Variants in RNF216 observed in about 807,000 individuals in gnomAD.
RNF216 encodes the protein ring finger protein 216.
A neutral mutation model predicts 110.8 loss-of-function variants in RNF216; 72 were observed. That is an observed-to-expected ratio of 0.65 (90% CI 0.54 to 0.79). RNF216 has a LOEUF of 0.79. RNF216 is among the 30% of genes least tolerant of loss of function. The probability of loss-of-function intolerance (pLI) is 0.00; values close to 1 mark genes in which losing one functional copy is unlikely to be tolerated. For missense variants in RNF216, 1,342 were observed against 1,141.2 expected (o/e 1.18, Z -2.54); for synonymous variants, 495 against 407.5 (o/e 1.21, Z -2.59).
At chr7:5,640,050 C>T (rs1198590610) in intron 15 of RNF216, among the ~76,000 whole-genome samples, 5 of 151,534 alleles carry the variant, frequency 3.3e-5, no homozygotes, top group Admixed American at 6.6e-5. Flanking sequence ...TGAGCCACCG[C>T]GCCCGGCCAA....
chr7:5,676,585 A>G (rs1790311596), intron 13 of RNF216, among the ~76,000 whole-genome samples: 1 of 152,170 alleles, frequency 6.6e-6, no homozygotes, highest in African/African-American at 2.4e-5. Context: ...CACAGCTCTC[A>G]TGGGGCTCCT....
intron 13 of RNF216, among the ~76,000 whole-genome samples, chr7:5,684,559 G>A (rs1372566328): frequency 1.3e-5 from 2 of 152,200 alleles, no homozygotes; most frequent in African/African-American, 4.8e-5. Context: ...GTTCCCTGGG[G>A]TTGCTGGAAA....
chr7:5,763,594 C>T (rs1421818551), intron 1 of RNF216, among the ~76,000 whole-genome samples: 1 of 151,958 alleles, frequency 6.6e-6, no homozygotes, highest in South Asian at 2.1e-4. Context: ...TCTTTTTGAG[C>T]CAGTCTCTCT....
intron 14 of RNF216, 78 bp downstream of exon 14, chr7:5,652,335 T>C: frequency 9.8e-7 from 1 of 1,021,580 alleles, no homozygotes; most frequent in Non-Finnish European, 1.6e-6. Flanking sequence ...CCGACAACAG[T>C]ATGCCCTCTC....
At chr7:5,749,971 A>C (rs2128661690) in intron 3 of RNF216, among the ~76,000 whole-genome samples, 1 of 152,310 alleles carries the variant, frequency 6.6e-6, no homozygotes, top group East Asian at 1.9e-4. Context: ...AGGTTATTAT[A>C]GCTTATAGCA....
chr7:5,744,508 A>G (rs1794929176), intron 3 of RNF216, among the ~76,000 whole-genome samples: 1 of 152,222 alleles, frequency 6.6e-6, no homozygotes, highest in African/African-American at 2.4e-5. Flanking sequence ...TCAAATAACC[A>G]TTCGAACTAA....
chr7:5,721,283 G>T, intron 8 of RNF216, 111 bp from the exon 9 acceptor site: 1 of 932,758 alleles, frequency 1.1e-6, no homozygotes, highest in South Asian at 1.7e-5. Context: ...CTGATGGTAC[G>T]TTTCATGACT....
chr7:5,655,566 A>G (rs1327758944), intron 13 of RNF216, among the ~76,000 whole-genome samples: 5 of 152,102 alleles, frequency 3.3e-5, no homozygotes, highest in African/African-American at 4.8e-5. Context: ...AGATCGCACC[A>G]CTGCACTCCA....
chr7:5,665,381 A>G (rs1371494965), intron 13 of RNF216, among the ~76,000 whole-genome samples: 1 of 152,168 alleles, frequency 6.6e-6, no homozygotes, highest in Non-Finnish European at 1.5e-5. Flanking sequence ...TGTTGTTCTT[A>G]AATATTTTTT....
chr7:5,653,600 C>CAAAAAAAAAAAAAA (rs34530431), intron 13 of RNF216, among the ~76,000 whole-genome samples: 3 of 50,488 alleles, frequency 5.9e-5, no homozygotes, highest in Non-Finnish European at 3.4e-5. Flanking sequence ...GACTCTGTCT[C>CAAAAAAAAAAAAAA]AAAAAAAAAA....
In RNF216 at chr7:5,725,238, C is replaced by T; in HGVS notation, c.1504+86G>A. The stretch of plus-strand genomic sequence containing the variant: ...GCCTGTCCAGATGCTCAGCAGACAC[C>T]TGTAGCACGGCTTCCTTCACTGACT... On this transcript the variant is annotated intron_variant, in intron 8 of 16. Transcript: ENST00000389902. 3.7e-6 allele frequency: 3 copies of T among 805,304 alleles called. No individual in the cohort carries two copies. The South Asian group carries it at 4.7e-5, about 13-fold the overall frequency. 49.9% of individuals were successfully genotyped at this position (805,304 alleles called of 1,614,324 possible). A position where few individuals can be genotyped will look rare whatever the true frequency, so the allele number is the denominator to read the frequency against.
chr7:5,669,401 G>C (rs540713003), intron 13 of RNF216, among the ~76,000 whole-genome samples: 1 of 152,180 alleles, frequency 6.6e-6, no homozygotes, highest in Non-Finnish European at 1.5e-5. Flanking sequence ...ATTCTTTTCA[G>C]TGTGGCTGAA....
rs998337243 is a variant in RNF216, at chr7:5,695,510, A to T, written c.2061+16251T>A. On this transcript the variant is annotated intron_variant, in intron 13 of 16. Transcript: ENST00000389902. ...GTGAGCACGGTTGCGCCTACTGCTG[A>T]GAGTGCCTCTCCCTGCCGGTCTCCT... is the stretch of plus-strand genomic sequence containing the variant. Among the ~76,000 whole-genome samples, 4 of 152,334 alleles carry T rather than the reference A, an allele frequency of 2.6e-5. No individual in the cohort carries two copies. The South Asian group carries it at 8.3e-4, about 32-fold the overall frequency.
intron 13 of RNF216, among the ~76,000 whole-genome samples, chr7:5,677,764 CAG>C (rs1250019262): frequency 2.0e-5 from 3 of 152,198 alleles, no homozygotes; most frequent in African/African-American, 7.2e-5. Flanking sequence ...TCCTAGGAAT[CAG>C]AGTCTGCCCA....
intron 13 of RNF216, among the ~76,000 whole-genome samples, chr7:5,681,724 T>C (rs1358983305): frequency 6.6e-6 from 1 of 152,216 alleles, no homozygotes; most frequent in African/African-American, 2.4e-5. Flanking sequence ...CAGACCACAC[T>C]GCGAAACCAC....
chr7:5,730,030 T>TG lies in RNF216; in HGVS notation c.1225-435dup, dbSNP rs1444764421. Among the ~76,000 whole-genome samples the TG allele has an allele frequency of 2.6e-5, 4 of 152,292 alleles. No individual in the cohort carries two copies. In the East Asian group the frequency reaches 7.7e-4, roughly 29 times the overall value. ...CAGTTTAGATCACAAATAATGACAA[T>TG]GATTGAAGTTTTTAAAAACCAAACT... On this transcript the variant is annotated intron_variant, in intron 6 of 16. Transcript: ENST00000389902.
intron 14 of RNF216, among the ~76,000 whole-genome samples, chr7:5,641,996 G>C (rs557718479): frequency 4.6e-4 from 63 of 137,392 alleles, no homozygotes; most frequent in African/African-American, 1.6e-3. Context: ...CCGTGTCACT[G>C]CACCCCAGCC....
intron 3 of RNF216, among the ~76,000 whole-genome samples, 182 bp from the exon 4 acceptor site, chr7:5,741,997 GA>G (rs1245062816): frequency 6.6e-6 from 1 of 152,090 alleles, no homozygotes; most frequent in Non-Finnish European, 1.5e-5. Flanking sequence ...CTATCTGTAA[GA>G]ATCAAAGTAG....
chr7:5,756,459 AT>A (rs1795649321), intron 2 of RNF216, among the ~76,000 whole-genome samples: 1 of 152,218 alleles, frequency 6.6e-6, no homozygotes. Flanking sequence ...AGCCCTAGTT[AT>A]CTTGGTTCCC....
Sources: gnomAD v4.1 joint callset for allele counts (sites outside exome capture counted in the v4.1 genomes callset) on GRCh38, gnomAD v4.1.1 for gene constraint, MANE v1.5 for transcripts, NCBI Gene and HGNC (gene_info 2026-07-23, HGNC 2026-07-21) for gene names.